Variants in PTCHD4 observed in about 807,000 individuals in gnomAD.
PTCHD4 encodes patched domain-containing protein 4.
PTCHD4 carries 33 observed loss-of-function variants against 58.1 expected under a neutral mutation model. The ratio of observed to expected loss-of-function variants is 0.57; its 90% CI spans 0.43 to 0.76. The LOEUF (loss-of-function observed/expected upper bound fraction) is 0.76. Ranked by LOEUF, PTCHD4 falls within the 30% of genes least tolerant of loss-of-function variation. PTCHD4 has a pLI of 0.00. For missense variants in PTCHD4, 1,058 were observed against 1,027.1 expected, an observed-to-expected ratio of 1.03 and a Z score of -0.41; for synonymous variants, 478 against 409.6, an observed-to-expected ratio of 1.17 and a Z score of -2.02.
intron 3 of PTCHD4, among the ~76,000 whole-genome samples, chr6:48,046,097 A>G (rs1242513857): frequency 6.6e-6 from 1 of 151,916 alleles, no homozygotes; most frequent in African/African-American, 2.4e-5. Context: ...ACCAGGGGAC[A>G]AATGAATGTA....
intron 1 of PTCHD4, among the ~76,000 whole-genome samples, chr6:48,103,983 C>T (rs537182553): frequency 1.3e-3 from 200 of 152,276 alleles, no homozygotes; most frequent in African/African-American, 4.3e-3. Flanking sequence ...AATTGGTGTA[C>T]CTGAAAGTGA....
chr6:47,920,476 C>G (rs1021319476), intron 4 of PTCHD4, among the ~76,000 whole-genome samples: 1 of 151,984 alleles, frequency 6.6e-6, no homozygotes. Flanking sequence ...ACTTAATTTC[C>G]ATCAAATGAA....
At position 47,878,200 on chromosome 6, in the gene PTCHD4, C is replaced by T. The variant is rs1763898416; in HGVS notation, c.*103G>A. On this transcript the variant is annotated 3_prime_UTR_variant, in exon 5 of 5. Coordinates refer to ENST00000339488, the MANE Select transcript of PTCHD4 (RefSeq NM_001384253.1). Reference sequence around the variant, plus strand: ...ATAATGCACTCTTGATCTGACTTGCCTTGTTACCCCTGGCCAGCCCAAGCA... The same window carrying T: ...ATAATGCACTCTTGATCTGACTTGCTTTGTTACCCCTGGCCAGCCCAAGCA... 1.9e-6 allele frequency: 2 copies of T among 1,029,982 alleles called. No individual in the cohort carries two copies. Among genetic ancestry groups the T allele is most frequent in the South Asian group, 1.6e-5 (1 of 61,484 alleles). The allele number at this position is 1,029,982 out of a possible 1,614,324, so 63.8% of individuals were successfully genotyped here.
chr6:47,901,984 T>C, intron 4 of PTCHD4: 1 of 1,170,922 alleles, frequency 8.5e-7, no homozygotes, highest in Non-Finnish European at 1.2e-6. Context: ...GTTATATTTC[T>C]AGCCTCACTC....
chr6:48,071,686 A>T (rs1489327593), intron 1 of PTCHD4, among the ~76,000 whole-genome samples: 1 of 152,178 alleles, frequency 6.6e-6, no homozygotes, highest in Non-Finnish European at 1.5e-5. Context: ...TTATGAGTTC[A>T]TACTTTATTT....
intron 4 of PTCHD4, among the ~76,000 whole-genome samples, chr6:47,969,928 C>T (rs1465718532): frequency 1.3e-5 from 2 of 152,078 alleles, no homozygotes; most frequent in African/African-American, 2.4e-5. Context: ...CAAATACCGT[C>T]AAATATAACC....
intron 4 of PTCHD4, among the ~76,000 whole-genome samples, chr6:47,898,134 C>T (rs896735912): frequency 2.8e-4 from 42 of 151,396 alleles, no homozygotes; most frequent in African/African-American, 7.0e-4. Flanking sequence ...TTAGTAGAGA[C>T]GGAGTTTCAC....
intron 1 of PTCHD4, among the ~76,000 whole-genome samples, chr6:48,074,069 G>C (rs917222166): frequency 6.6e-6 from 1 of 151,770 alleles, no homozygotes; most frequent in African/African-American, 2.4e-5. Context: ...TTAAGAAGAT[G>C]CTCTTTGACC....
intron 4 of PTCHD4, among the ~76,000 whole-genome samples, chr6:47,960,456 C>T (rs1767039635): frequency 6.6e-6 from 1 of 151,628 alleles, no homozygotes; most frequent in African/African-American, 2.4e-5. Flanking sequence ...ATTTTGTCTA[C>T]AAGAAACTCA....
chr6:47,980,337 A>G (rs1390569705), intron 4 of PTCHD4, among the ~76,000 whole-genome samples: 1 of 151,958 alleles, frequency 6.6e-6, no homozygotes, highest in African/African-American at 2.4e-5. Context: ...AATCTACTCC[A>G]CGTTGTACTT....
At chr6:47,969,703 A>G (rs1767430674) in intron 4 of PTCHD4, among the ~76,000 whole-genome samples, 3 of 152,154 alleles carry the variant, frequency 2.0e-5, no homozygotes, top group South Asian at 4.1e-4. Context: ...TCAGTACTTA[A>G]TTTTCATTTT....
At chr6:48,079,117 C>T (rs372171850) in intron 1 of PTCHD4, among the ~76,000 whole-genome samples, 1 of 73,192 alleles carries the variant, frequency 1.4e-5, no homozygotes, top group South Asian at 4.8e-4. Context: ...AATTCCATCA[C>T]AAAAAAAAAA....
chr6:48,057,188 T>C (rs576404996), intron 3 of PTCHD4, among the ~76,000 whole-genome samples: 1 of 151,602 alleles, frequency 6.6e-6, no homozygotes, highest in South Asian at 2.1e-4. Flanking sequence ...TTGTTTTTTT[T>C]TGTTTTTTTT....
intron 4 of PTCHD4, among the ~76,000 whole-genome samples, chr6:47,924,235 C>A (rs753319417): frequency 6.6e-6 from 1 of 152,038 alleles, no homozygotes; most frequent in Non-Finnish European, 1.5e-5. Flanking sequence ...CAGCACTGTC[C>A]TGCTGCTGCC....
intron 4 of PTCHD4, among the ~76,000 whole-genome samples, chr6:47,925,895 T>G (rs1397539933): frequency 1.3e-5 from 2 of 152,166 alleles, no homozygotes; most frequent in Non-Finnish European, 2.9e-5. Flanking sequence ...TTCTGGGGAT[T>G]GATTGTTGGA....
At chr6:48,087,899 C>A (rs1443221295) in intron 1 of PTCHD4, among the ~76,000 whole-genome samples, 1 of 152,104 alleles carries the variant, frequency 6.6e-6, no homozygotes, top group African/African-American at 2.4e-5. Flanking sequence ...GGTCCTTAAG[C>A]AGTTAGATTT....
intron 4 of PTCHD4, among the ~76,000 whole-genome samples, chr6:47,894,852 C>G (rs982415561): frequency 6.6e-6 from 1 of 152,214 alleles, no homozygotes; most frequent in Non-Finnish European, 1.5e-5. Flanking sequence ...ATAATAAGGG[C>G]TGGGTGTGGT....
intron 4 of PTCHD4, among the ~76,000 whole-genome samples, chr6:47,970,481 G>T (rs1186532251): frequency 1.3e-5 from 2 of 152,142 alleles, no homozygotes; most frequent in Admixed American, 1.3e-4. Flanking sequence ...GGAGGTAAGG[G>T]TGTGAGGCTT....
intron 1 of PTCHD4, among the ~76,000 whole-genome samples, chr6:48,104,142 G>A (rs149029372): frequency 1.4e-3 from 212 of 152,158 alleles, no homozygotes; most frequent in African/African-American, 4.5e-3. Flanking sequence ...TCCAAGACAC[G>A]TAATTGTCAG....
Sources: gnomAD v4.1 joint callset for allele counts (sites outside exome capture counted in the v4.1 genomes callset) on GRCh38, gnomAD v4.1.1 for gene constraint, MANE v1.5 for transcripts, NCBI Gene and HGNC (gene_info 2026-07-23, HGNC 2026-07-21) for gene names.